GSK3B: variants seen among roughly 807,000 people sequenced by gnomAD.
GSK3B encodes the protein glycogen synthase kinase 3 beta.
Under a neutral mutation model 56.4 loss-of-function variants are expected in GSK3B, and 15 were observed. The ratio of observed to expected loss-of-function variants is 0.27; its 90% CI spans 0.18 to 0.41. The LOEUF (loss-of-function observed/expected upper bound fraction) is 0.41, where lower values mean the gene tolerates loss of function less well. GSK3B is among the 10% of genes least tolerant of loss of function. The pLI is 1.00. For missense variants in GSK3B, 300 were observed against 513.4 expected (o/e 0.58, Z 4.02); for synonymous variants, 181 against 188.9 (o/e 0.96, Z 0.34).
At chr3:119,933,029 T>C (rs1576210341) in intron 3 of GSK3B, among the ~76,000 whole-genome samples, 1 of 151,874 alleles carries the variant, frequency 6.6e-6, no homozygotes, top group Non-Finnish European at 1.5e-5. Context: ...ACCCCGGAGG[T>C]GGAGGTTGCA....
At chr3:120,075,065 T>C (rs2058357423) in intron 1 of GSK3B, among the ~76,000 whole-genome samples, 1 of 152,220 alleles carries the variant, frequency 6.6e-6, no homozygotes. Context: ...GGGATTTATA[T>C]GGGCATCCAA....
chr3:119,916,317 T>C (rs906770153), intron 4 of GSK3B, 143 bp from the exon 5 acceptor site: 6 of 627,744 alleles, frequency 9.6e-6, no homozygotes, highest in Non-Finnish European at 1.1e-5. Flanking sequence ...CTTTCACAAG[T>C]TTTGTGTCAC....
intron 7 of GSK3B, among the ~76,000 whole-genome samples, chr3:119,884,365 AGTTTT>A (rs1211625285): frequency 6.6e-6 from 1 of 152,184 alleles, no homozygotes; most frequent in Non-Finnish European, 1.5e-5. Flanking sequence ...AGTGGAATTA[AGTTTT>A]CCTTTCAAAG....
chr3:120,042,104 G>A (rs2058069113), intron 1 of GSK3B, among the ~76,000 whole-genome samples: 1 of 152,148 alleles, frequency 6.6e-6, no homozygotes, highest in African/African-American at 2.4e-5. Flanking sequence ...TATTGTCTAT[G>A]TCCCCAGACA....
chr3:119,923,641 A>C (rs766339782), intron 3 of GSK3B, among the ~76,000 whole-genome samples, 158 bp from the exon 4 acceptor site: 4 of 152,212 alleles, frequency 2.6e-5, no homozygotes, highest in Non-Finnish European at 5.9e-5. Context: ...GAATATAACC[A>C]TAATAATAAA....
intron 9 of GSK3B, among the ~76,000 whole-genome samples, chr3:119,853,111 G>C (rs544209228): frequency 6.6e-6 from 1 of 152,324 alleles, no homozygotes; most frequent in African/African-American, 2.4e-5. Flanking sequence ...TCAGGTGTAA[G>C]GAAGGGATCC....
chr3:119,844,029 C>T (rs963912674), intron 9 of GSK3B, among the ~76,000 whole-genome samples: 5 of 152,136 alleles, frequency 3.3e-5, no homozygotes, highest in Admixed American at 6.5e-5. Flanking sequence ...TCACTCAAAA[C>T]CGCACAACTA....
intron 10 of GSK3B, among the ~76,000 whole-genome samples, 181 bp downstream of exon 10, chr3:119,843,074 C>T (rs1296168651): frequency 6.6e-6 from 1 of 152,072 alleles, no homozygotes; most frequent in East Asian, 1.9e-4. Context: ...TGCCACCACA[C>T]CTGGCTAAGT....
At position 119,902,807 on chromosome 3, in the gene GSK3B, C is replaced by T. The variant is rs145915001; in HGVS notation, c.813+2948G>A. On this transcript the variant is annotated intron_variant, in intron 7 of 10. Coordinates refer to ENST00000264235, the MANE Select transcript of GSK3B (RefSeq NM_001146156.2). Reference sequence around the variant, plus strand: ...TTGGCTTACTGCAACATTTGTCTCCCGGGCTGAAGCTACCCTCCCACTTCA... The same window carrying T: ...TTGGCTTACTGCAACATTTGTCTCCTGGGCTGAAGCTACCCTCCCACTTCA... Among the ~76,000 whole-genome samples the T allele has an allele frequency of 3.4e-3, 521 of 152,210 alleles. 1 individual carries two copies. Among genetic ancestry groups the T allele is most frequent in the African/African-American group, 0.012 (482 of 41,534 alleles).
chr3:120,010,758 A>C (rs1406199546), intron 1 of GSK3B, among the ~76,000 whole-genome samples: 1 of 151,924 alleles, frequency 6.6e-6, no homozygotes, highest in Non-Finnish European at 1.5e-5. Context: ...CCCTGTCTCT[A>C]AATAAATAAA....
At chr3:120,028,952 C>A in intron 1 of GSK3B, 1 of 563,960 alleles carries the variant, frequency 1.8e-6, no homozygotes. Flanking sequence ...AGTGGTGAAG[C>A]ATACAAGAGA....
intron 1 of GSK3B, among the ~76,000 whole-genome samples, chr3:120,043,120 A>T (rs573291393): frequency 6.6e-6 from 1 of 152,282 alleles, no homozygotes; most frequent in East Asian, 1.9e-4. Flanking sequence ...CAGCCTGGGG[A>T]TCACGTCCTC....
intron 7 of GSK3B, among the ~76,000 whole-genome samples, chr3:119,882,697 A>G (rs542111499): frequency 1.2e-4 from 18 of 152,176 alleles, no homozygotes; most frequent in Non-Finnish European, 2.2e-4. Context: ...CCACAATGGG[A>G]AATAATCTGC....
At chr3:119,881,132 G>C in intron 7 of GSK3B, among the ~76,000 whole-genome samples, 1 of 152,124 alleles carries the variant, frequency 6.6e-6, no homozygotes, top group Non-Finnish European at 1.5e-5. Context: ...AACTAGCAAT[G>C]AAGATGACTA....
intron 3 of GSK3B, among the ~76,000 whole-genome samples, chr3:119,930,409 TA>T (rs111604910): frequency 1.8e-3 from 261 of 147,686 alleles, no homozygotes; most frequent in East Asian, 6.3e-3. Flanking sequence ...CATTCTAGTT[TA>T]AAAAAAAAAA....
intron 5 of GSK3B, 100 bp from the exon 6 acceptor site, chr3:119,912,910 A>C (rs1405042814): frequency 3.9e-6 from 2 of 512,892 alleles, no homozygotes; most frequent in African/African-American, 1.9e-5. Context: ...TGATTTTATA[A>C]GATTCACATC....
intron 9 of GSK3B, among the ~76,000 whole-genome samples, chr3:119,852,113 G>C (rs539276698): frequency 6.6e-6 from 1 of 152,204 alleles, no homozygotes; most frequent in East Asian, 1.9e-4. Context: ...AAATTACAAG[G>C]CTTACTGATA....
At chr3:120,025,171 C>G (rs73175886) in intron 1 of GSK3B, among the ~76,000 whole-genome samples, 11,853 of 152,054 alleles carry the variant, frequency 0.078, 630 homozygotes, top group Non-Finnish European at 0.11. Flanking sequence ...CCAGCCTGGC[C>G]ATCTCTACTA....
chr3:119,935,406 A>G (rs2056984096), intron 3 of GSK3B, among the ~76,000 whole-genome samples: 1 of 152,248 alleles, frequency 6.6e-6, no homozygotes, highest in Admixed American at 6.5e-5. Flanking sequence ...TGGGGTTTTC[A>G]TCTAATTGAA....
Sources: allele counts gnomAD v4.1 joint callset (sites outside exome capture counted in the v4.1 genomes callset), GRCh38; gene constraint gnomAD v4.1.1; transcripts MANE v1.5; gene names NCBI Gene and HGNC (gene_info 2026-07-23, HGNC 2026-07-21).